Variants in DUSP22 observed in about 807,000 individuals in gnomAD.
The protein encoded by DUSP22 is dual specificity protein phosphatase 22.
A neutral mutation model predicts 24.5 loss-of-function variants in DUSP22; 24 were observed. The observed-to-expected ratio is 0.98, with a 90% CI of 0.71 to 1.38. DUSP22 has a LOEUF of 1.38. Ranked by LOEUF, DUSP22 falls within the 40% of genes most tolerant of loss-of-function variation. The pLI, the probability that DUSP22 is intolerant of heterozygous loss-of-function variation, is 0.00. For synonymous variants in DUSP22, 160 were observed against 106.4 expected, an observed-to-expected ratio of 1.50 and a Z score of -3.10; for missense variants, 330 against 269.2, an observed-to-expected ratio of 1.23 and a Z score of -1.58.
chr6:312,398 G>A lies in DUSP22; in HGVS notation c.138+436G>A, dbSNP rs932217401. On this transcript the variant is annotated intron_variant, in intron 3 of 6. Transcript: ENST00000419235. ...GGTCACAGAAAACAGAAGGTGAATC[G>A]TCCTGGAGGGTTCCCAGGGCCGCTC... Among the ~76,000 whole-genome samples the A allele has an allele frequency of 1.6e-4, 25 of 152,384 alleles. No individual in the cohort carries two copies. The South Asian group carries it at 1.9e-3, about 11-fold the overall frequency.
chr6:305,413 T>C (rs1421376788), intron 2 of DUSP22, among the ~76,000 whole-genome samples: 4 of 152,420 alleles, frequency 2.6e-5, no homozygotes, highest in African/African-American at 7.2e-5. Context: ...ATTTATAACC[T>C]TTTACAACTT....
chr6:307,642 T>C (rs1305355081), intron 2 of DUSP22, among the ~76,000 whole-genome samples: 1 of 152,288 alleles, frequency 6.6e-6, no homozygotes, highest in African/African-American at 2.4e-5. Context: ...GGAGGGTGGG[T>C]CCGTGGCTTC....
intron 1 of DUSP22, among the ~76,000 whole-genome samples, chr6:297,934 C>G (rs1317623040): frequency 6.6e-6 from 1 of 152,310 alleles, no homozygotes; most frequent in South Asian, 2.1e-4. Context: ...AGTCAAGACA[C>G]TGTGTTAGAT....
rs967174680 is a variant in DUSP22, at chr6:295,420, C to T, written c.21+2860C>T. Among the ~76,000 whole-genome samples, 44 of 152,250 alleles carry T rather than the reference C, an allele frequency of 2.9e-4. 1 individual carries two copies. The highest frequency in any genetic ancestry group is 1.2e-4 in the Non-Finnish European group (8 of 68,050). ...GCCCGTTTCCGTTAGGTGTACGCAG[C>T]AGATTATACAGAAGATGGAGGGGAA... is the stretch of plus-strand genomic sequence containing the variant. On this transcript the variant is annotated intron_variant, in intron 1 of 6. Transcript: ENST00000419235.
At chr6:348,056 G>A (rs563685811) in intron 5 of DUSP22, 47 bp from the exon 6 acceptor site, 180 of 1,608,172 alleles carry the variant, frequency 1.1e-4, no homozygotes, top group East Asian at 7.6e-4. Context: ...CGATGAACCC[G>A]GAGATCTGAA....
intron 1 of DUSP22, among the ~76,000 whole-genome samples, chr6:294,682 C>G (rs1192169187): frequency 2.6e-5 from 4 of 152,396 alleles, no homozygotes; most frequent in East Asian, 1.9e-4. Flanking sequence ...TATTTTATGC[C>G]TAAATCACAT....
intron 4 of DUSP22, among the ~76,000 whole-genome samples, chr6:340,072 T>C (rs1213150538): frequency 6.6e-6 from 1 of 152,300 alleles, no homozygotes; most frequent in Non-Finnish European, 1.5e-5. Context: ...CTTCTTTTTG[T>C]TGTTGAAATA....
intron 3 of DUSP22, among the ~76,000 whole-genome samples, chr6:321,518 G>T (rs1758587038): frequency 6.6e-6 from 1 of 152,306 alleles, no homozygotes; most frequent in Non-Finnish European, 1.5e-5. Flanking sequence ...GGGATGCTGG[G>T]GACTGGATAT....
chr6:301,165 G>T (rs1757564216), intron 1 of DUSP22, among the ~76,000 whole-genome samples: 1 of 152,304 alleles, frequency 6.6e-6, no homozygotes, highest in Admixed American at 6.5e-5. Flanking sequence ...TGGGGCCAGG[G>T]TATCCCCAAA....
intron 4 of DUSP22, among the ~76,000 whole-genome samples, chr6:337,467 A>C (rs1335302081): frequency 6.6e-6 from 1 of 152,310 alleles, no homozygotes; most frequent in Non-Finnish European, 1.5e-5. Context: ...AGCCTGCTTC[A>C]GTTACTTGAG....
intron 3 of DUSP22, among the ~76,000 whole-genome samples, chr6:315,625 A>G (rs1314946007): frequency 1.3e-5 from 2 of 152,310 alleles, no homozygotes; most frequent in South Asian, 2.1e-4. Flanking sequence ...TTTCCCTGCC[A>G]TGCCATCACC....
At chr6:321,406 G>T (rs1423604316) in intron 3 of DUSP22, among the ~76,000 whole-genome samples, 1 of 152,310 alleles carries the variant, frequency 6.6e-6, no homozygotes, top group African/African-American at 2.4e-5. Flanking sequence ...TCTTTTGCAG[G>T]ATGTTGTCTC....
chr6:345,007 C>T (rs143712438), intron 4 of DUSP22, among the ~76,000 whole-genome samples: 3,671 of 151,116 alleles, frequency 0.024, 2 homozygotes, highest in Middle Eastern at 0.045. Context: ...GAACTTCCCT[C>T]AACCCCAGTC....
chr6:315,315 C>T (rs1198895481), intron 3 of DUSP22, among the ~76,000 whole-genome samples: 3 of 152,304 alleles, frequency 2.0e-5, no homozygotes, highest in Non-Finnish European at 4.4e-5. Flanking sequence ...AGACAGAAAT[C>T]CCAGCTAAAC....
intron 3 of DUSP22, among the ~76,000 whole-genome samples, chr6:329,554 G>A (rs1759047761): frequency 6.6e-6 from 1 of 152,310 alleles, no homozygotes; most frequent in Non-Finnish European, 1.5e-5. Flanking sequence ...CTGGGTTCAA[G>A]CGATTCTCCT....
intron 3 of DUSP22, chr6:319,835 C>T (rs1312841461): frequency 1.3e-5 from 2 of 152,404 alleles, no homozygotes; most frequent in Non-Finnish European, 2.9e-5. Context: ...CTTTGCTGTA[C>T]CAAAAGCTTA....
At position 348,227 on chromosome 6, in the gene DUSP22, G is replaced by C. The variant is rs776776905; in HGVS notation, c.388G>C (p.Gly130Arg). 1 of 1,614,302 alleles carries C rather than the reference G, an allele frequency of 6.2e-7. No individual in the cohort carries two copies. The highest frequency in any genetic ancestry group is 2.2e-5 in the East Asian group (1 of 44,892). ...GAGATCCTGTGCCAACCCCAACGTG[G>C]GCTTCCAGAGACAGCTCCAGGAGTT... ...AGRSCANPNV[G>R]FQRQLQEFEK... Residue 130 changes from glycine to arginine, a missense_variant, in exon 6 of 7, where the codon GGC becomes CGC. Transcript: ENST00000419235.
intron 4 of DUSP22, among the ~76,000 whole-genome samples, chr6:345,642 G>A (rs1759828017): frequency 6.6e-6 from 1 of 152,302 alleles, no homozygotes; most frequent in Admixed American, 6.5e-5. Context: ...AAGTGATTAA[G>A]CATTTATCAG....
intron 3 of DUSP22, among the ~76,000 whole-genome samples, chr6:316,491 G>A (rs1045777615): frequency 8.5e-5 from 13 of 152,410 alleles, no homozygotes; most frequent in East Asian, 1.9e-4. Flanking sequence ...GGGTGGGAGC[G>A]GTGTCTTCAG....
Sources: gnomAD v4.1 joint callset for allele counts (sites outside exome capture counted in the v4.1 genomes callset) on GRCh38, gnomAD v4.1.1 for gene constraint, MANE v1.5 for transcripts, NCBI Gene and HGNC (gene_info 2026-07-23, HGNC 2026-07-21) for gene names.